DOP1B: variants seen among roughly 807,000 people sequenced by gnomAD.
The protein encoded by DOP1B is DOP1 leucine zipper like protein B, also known as protein DOP1B.
Under a neutral mutation model 233.5 loss-of-function variants are expected in DOP1B, and 174 were observed. The ratio of observed to expected loss-of-function variants is 0.75; its 90% CI spans 0.66 to 0.85. The LOEUF is 0.85. Among genes scored for constraint, DOP1B ranks in the 40% least tolerant of loss-of-function variants. The pLI is 0.00. For synonymous variants in DOP1B, 1,190 were observed against 1,185.6 expected (o/e 1.00, Z -0.08); for missense variants, 2,652 against 2,846.6 (o/e 0.93, Z 1.56).
At chr21:36,162,420 C>T (rs2065877265) in intron 1 of DOP1B, among the ~76,000 whole-genome samples, 1 of 152,170 alleles carries the variant, frequency 6.6e-6, no homozygotes, top group Non-Finnish European at 1.5e-5. Flanking sequence ...GTCTCAAACT[C>T]CTGGACTCAA....
intron 22 of DOP1B, 127 bp downstream of exon 22, chr21:36,251,411 A>T (rs1462898705): frequency 1.5e-6 from 2 of 1,309,376 alleles, no homozygotes; most frequent in Non-Finnish European, 1.0e-6. Context: ...TAATCATTTT[A>T]TCTTATTTTA....
intron 14 of DOP1B, among the ~76,000 whole-genome samples, chr21:36,232,261 G>A (rs1040803251): frequency 6.6e-6 from 1 of 152,190 alleles, no homozygotes; most frequent in Non-Finnish European, 1.5e-5. Flanking sequence ...GGGATTACAG[G>A]CATGAGCCAC....
chr21:36,208,578 C>T (rs988060703), intron 4 of DOP1B, 137 bp from the exon 5 acceptor site: 6 of 864,658 alleles, frequency 6.9e-6, no homozygotes, highest in Admixed American at 3.0e-5. Flanking sequence ...GGCAGCGGCT[C>T]CCGGCGATGA....
At chr21:36,227,592 C>A in intron 12 of DOP1B, 94 bp from the exon 13 acceptor site, 1 of 1,051,474 alleles carries the variant, frequency 9.5e-7, no homozygotes, top group Non-Finnish European at 1.3e-6. Flanking sequence ...GAAATTTATG[C>A]CCTAAAAAAT....
intron 29 of DOP1B, 31 bp from the exon 30 acceptor site, chr21:36,278,178 T>C (rs369623477): frequency 1.2e-5 from 19 of 1,613,564 alleles, no homozygotes; most frequent in Non-Finnish European, 1.6e-5. Context: ...GTCCTTGACC[T>C]TGACCCTTCT....
rs922027405 is a variant in DOP1B at position 36,245,528 on chromosome 21, C to T, written c.3548C>T (p.Ser1183Leu). Residue 1183 changes from serine to leucine, a missense_variant, in exon 19 of 37, where the codon TCG becomes TTG. By Grantham distance (145) the Ser-to-Leu change is moderately radical. Coordinates refer to ENST00000691173, the MANE Select transcript of DOP1B (RefSeq NM_001320714.2). This position sits in a 1 kb window ranked among gnomAD's most constrained non-coding sequence, Gnocchi z 5.5. Reference sequence around the variant, plus strand: ...AAGTTAAGCCTGGTGCGGGTGGACTCGGACAAGACGCAGGCTTCTGAGTCG... The same window carrying T: ...AAGTTAAGCCTGGTGCGGGTGGACTTGGACAAGACGCAGGCTTCTGAGTCG... ...GAKLSLVRVD[S>L]DKTQASESFS... The T allele has an allele frequency of 2.5e-6, 4 of 1,613,350 alleles. No homozygotes were observed. Among genetic ancestry groups the T allele is most frequent in the East Asian group, 2.2e-5 (1 of 44,896 alleles).
chr21:36,229,778 C>T lies in DOP1B; in HGVS notation c.1666-672C>T, dbSNP rs1351174756. ...ATGGGTTCAAGCGATTCTCATGCCT[C>T]AGCCTCCCAAGTAGCTGGGATTACA... On this transcript the variant is annotated intron_variant, in intron 13 of 36. Coordinates refer to ENST00000691173, the MANE Select transcript of DOP1B (RefSeq NM_001320714.2). Among the ~76,000 whole-genome samples, 5 of 151,442 alleles carry T rather than the reference C, an allele frequency of 3.3e-5. No individual in the cohort carries two copies. The East Asian group carries it at 9.8e-4, about 30-fold the overall frequency.
intron 13 of DOP1B, among the ~76,000 whole-genome samples, chr21:36,229,744 C>G (rs1381494742): frequency 6.6e-6 from 1 of 151,372 alleles, no homozygotes; most frequent in African/African-American, 2.4e-5. Context: ...TCACTGCAAC[C>G]TCCACCTCAT....
rs530686673 is a variant in DOP1B at position 36,281,860 on chromosome 21, C to T, written c.6160+249C>T. Among the ~76,000 whole-genome samples, 338 of 152,264 alleles carry T rather than the reference C, an allele frequency of 2.2e-3. 1 individual carries two copies. The highest frequency in any genetic ancestry group is 3.3e-3 in the Non-Finnish European group (226 of 68,022). On this transcript the variant is annotated intron_variant, in intron 32 of 36. Coordinates refer to ENST00000691173, the MANE Select transcript of DOP1B (RefSeq NM_001320714.2). ...AATCCCATCCATGATGTGGCCTAAT[C>T]ACCTCTTAAAGGCCCCACTTCCCGA...
intron 2 of DOP1B, among the ~76,000 whole-genome samples, chr21:36,176,097 C>CAT (rs1555886144): frequency 0.011 from 1,524 of 141,770 alleles, 25 homozygotes; most frequent in African/African-American, 0.032. Flanking sequence ...GGTGTGTGTG[C>CAT]GTGTGTGTGT....
At chr21:36,230,300 A>G (rs1042290283) in intron 13 of DOP1B, 150 bp from the exon 14 acceptor site, 14 of 1,055,404 alleles carry the variant, frequency 1.3e-5, no homozygotes, top group East Asian at 1.0e-4. Context: ...GGTGCCTCCT[A>G]AATTTCATTA....
Position 36,201,345 on chromosome 21 carries a change from C to CTTTTTTTTTTTTTTTTTTTTT in DOP1B, c.491+864_491+865insTTTTTTTTTTTTTTTTTTTTT, listed in dbSNP as rs1172730528. 2.3e-3 allele frequency among the ~76,000 whole-genome samples: 191 copies of CTTTTTTTTTTTTTTTTTTTTT among 83,244 alleles called. 25 individuals are homozygous for CTTTTTTTTTTTTTTTTTTTTT. Among genetic ancestry groups the CTTTTTTTTTTTTTTTTTTTTT allele is most frequent in the Middle Eastern group, 8.2e-3 (1 of 122 alleles). 54.6% of individuals were successfully genotyped at this position (83,244 alleles called of 152,430 possible). On this transcript the variant is annotated intron_variant, in intron 4 of 36. Transcript: ENST00000691173. ...TCTATTCCACTGTATCTATTGGATT[C>CTTTTTTTTTTTTTTTTTTTTT]TTTTTTTTTTTTTTTTTTTTGAGAC...
intron 12 of DOP1B, among the ~76,000 whole-genome samples, chr21:36,226,745 C>A (rs1268052625): frequency 6.6e-6 from 1 of 152,116 alleles, no homozygotes; most frequent in Non-Finnish European, 1.5e-5. Context: ...AGGCATGTGC[C>A]ACCACATCTG....
chr21:36,186,874 A>G (rs1204359485), intron 2 of DOP1B, among the ~76,000 whole-genome samples: 1 of 152,120 alleles, frequency 6.6e-6, no homozygotes, highest in Non-Finnish European at 1.5e-5. Flanking sequence ...AGGCTTGCTC[A>G]GATGAGAGCT....
intron 2 of DOP1B, among the ~76,000 whole-genome samples, chr21:36,171,330 A>G (rs1010582281): frequency 1.3e-5 from 2 of 152,208 alleles, no homozygotes; most frequent in East Asian, 1.9e-4. Context: ...AGGCTAACCT[A>G]CTTGCCCAGT....
At chr21:36,280,023 G>A (rs2067398512) in intron 30 of DOP1B, among the ~76,000 whole-genome samples, 2 of 152,066 alleles carry the variant, frequency 1.3e-5, no homozygotes, top group African/African-American at 4.8e-5. Context: ...TTACAGGCAT[G>A]CGCCACCACG....
chr21:36,226,757 A>G (rs1403070897), intron 12 of DOP1B, among the ~76,000 whole-genome samples: 1 of 151,934 alleles, frequency 6.6e-6, no homozygotes, highest in South Asian at 2.1e-4. Flanking sequence ...CCACATCTGG[A>G]TAGTTTTAGT....
intron 15 of DOP1B, among the ~76,000 whole-genome samples, chr21:36,234,993 A>G (rs1035108364): frequency 3.9e-5 from 6 of 152,212 alleles, no homozygotes; most frequent in Middle Eastern, 3.2e-3. Context: ...GAAAACATTC[A>G]GAACCCTCTC....
At chr21:36,173,864 C>CT (rs1272746578) in intron 2 of DOP1B, among the ~76,000 whole-genome samples, 1 of 115,726 alleles carries the variant, frequency 8.6e-6, no homozygotes, top group Non-Finnish European at 1.9e-5. Flanking sequence ...CATTAAAGCT[C>CT]TTTAAAAAAA....
Sources: allele counts gnomAD v4.1 joint callset (sites outside exome capture counted in the v4.1 genomes callset), GRCh38; gene constraint gnomAD v4.1.1; non-coding constraint Gnocchi (gnomAD v3.1); transcripts MANE v1.5; gene names NCBI Gene and HGNC (gene_info 2026-07-23, HGNC 2026-07-21).